RSRC2: variants seen among roughly 807,000 people sequenced by gnomAD.
RSRC2 encodes the protein arginine and serine rich coiled-coil 2.
A neutral mutation model predicts 61.3 loss-of-function variants in RSRC2; 5 were observed. The ratio of observed to expected loss-of-function variants is 0.08; its 90% CI spans 0.04 to 0.17. The LOEUF is 0.17. Ranked by LOEUF, RSRC2 falls within the 10% of genes least tolerant of loss-of-function variation. RSRC2 has a pLI of 1.00. For missense variants in RSRC2, 381 were observed against 518.8 expected (o/e 0.73, Z 2.58); for synonymous variants, 202 against 166.5 (o/e 1.21, Z -1.64).
intron 3 of RSRC2, 199 bp from the exon 4 acceptor site, chr12:122,519,228 T>G: frequency 1.9e-6 from 1 of 523,360 alleles, no homozygotes; most frequent in Non-Finnish European, 3.4e-6. Flanking sequence ...ACCCAAAATG[T>G]AGTTCCTCCC....
chr12:122,518,317 G>A (rs1959084908), intron 4 of RSRC2, among the ~76,000 whole-genome samples: 1 of 152,082 alleles, frequency 6.6e-6, no homozygotes, highest in Non-Finnish European at 1.5e-5. Flanking sequence ...TCTAGGCTGG[G>A]CACGGTGGCT....
At chr12:122,511,832 A>T (rs1446696083) in intron 6 of RSRC2, among the ~76,000 whole-genome samples, 3 of 152,002 alleles carry the variant, frequency 2.0e-5, no homozygotes, top group Non-Finnish European at 4.4e-5. Context: ...TTTTTGAGAC[A>T]GTCTCACTCT....
rs1021800026 is a variant in RSRC2 at position 122,526,918 on chromosome 12, C to A, written c.-65G>T. The stretch of plus-strand genomic sequence containing the variant: ...TCGCTTTCAACAGTACCGGCCGCTC[C>A]GAAGCTTCGCCTCAGACTAAATCGC... On this transcript the variant is annotated 5_prime_UTR_variant, in exon 1 of 10. Coordinates refer to ENST00000331738, the MANE Select transcript of RSRC2 (RefSeq NM_023012.6). 5.0e-6 allele frequency: 8 copies of A among 1,598,054 alleles called. No homozygotes were observed. The Admixed American group carries it at 1.3e-4, about 27-fold the overall frequency.
intron 8 of RSRC2, chr12:122,507,804 G>C (rs1340638216): frequency 5.5e-6 from 1 of 182,504 alleles, no homozygotes; most frequent in Non-Finnish European, 1.2e-5. Flanking sequence ...TCCTGTTTCA[G>C]CCTCCCAAGT....
At chr12:122,520,461 G>A (rs748161015) in intron 3 of RSRC2, 13 of 1,042,240 alleles carry the variant, frequency 1.2e-5, no homozygotes, top group Non-Finnish European at 1.7e-5. Flanking sequence ...ACTGATTTAA[G>A]ATATATTTAA....
chr12:122,505,837 G>A (rs1423455598), intron 9 of RSRC2, 131 bp from the exon 10 acceptor site: 2 of 712,302 alleles, frequency 2.8e-6, no homozygotes, highest in African/African-American at 3.6e-5. Context: ...GGAGTGCAGT[G>A]GTGCCATCTC....
chr12:122,524,250 CT>C (rs942620178), intron 1 of RSRC2, among the ~76,000 whole-genome samples: 24 of 149,928 alleles, frequency 1.6e-4, no homozygotes, highest in East Asian at 1.2e-3. Context: ...ATTCTGGACA[CT>C]TTTTTTTTTC....
intron 1 of RSRC2, chr12:122,523,695 T>C (rs1039711772): frequency 6.6e-6 from 1 of 152,198 alleles, no homozygotes; most frequent in Non-Finnish European, 1.5e-5. Context: ...AGAAAATGAA[T>C]ACCAAATATC....
intron 3 of RSRC2, 134 bp from the exon 4 acceptor site, chr12:122,519,163 AGT>A (rs1959140972): frequency 1.5e-6 from 1 of 669,770 alleles, no homozygotes; most frequent in African/African-American, 1.8e-5. Flanking sequence ...AAAAAGATCT[AGT>A]TTCACATCAC....
intron 8 of RSRC2, among the ~76,000 whole-genome samples, chr12:122,507,504 C>CAAA (rs200977113): frequency 1.4e-5 from 2 of 144,134 alleles, no homozygotes; most frequent in African/African-American, 2.5e-5. Flanking sequence ...CAAATAATGT[C>CAAA]AAAAAAAAAA....
At chr12:122,522,840 T>C (rs956316771) in intron 1 of RSRC2, 1 of 152,300 alleles carries the variant, frequency 6.6e-6, no homozygotes, top group African/African-American at 2.4e-5. Context: ...CCCTCTTTAA[T>C]GAAAACAGCC....
At position 122,515,200 on chromosome 12, in the gene RSRC2, C is replaced by T. The variant is rs142949567; in HGVS notation, c.630G>A (p.Pro210=). 236 of 1,614,012 alleles carry T rather than the reference C, an allele frequency of 1.5e-4. 2 individuals are homozygous for T. Among genetic ancestry groups the T allele is most frequent in the South Asian group, 1.4e-3 (125 of 91,052 alleles). ...SRDRKKRIEK[P]RRFSRSLSRT... ...GGCTTAAACTTCTGCTAAATCTTCT[C>T]GGCTTTTCAATTCTCTTCTTTCTAT... Residue 210 remains proline, a synonymous_variant, in exon 6 of 10, where the codon CCG becomes CCA. Transcript: ENST00000331738.
chr12:122,506,100 T>C lies in RSRC2; in HGVS notation c.1126-394A>G, dbSNP rs796118089. On this transcript the variant is annotated intron_variant, in intron 9 of 9. Coordinates refer to ENST00000331738, the MANE Select transcript of RSRC2 (RefSeq NM_023012.6). Reference sequence around the variant, plus strand: ...AGGCTGACACTATTAAATTATACTTTTGGCCGGGTGCAGTGTGGCTCACGC... The same window carrying C: ...AGGCTGACACTATTAAATTATACTTCTGGCCGGGTGCAGTGTGGCTCACGC... Among the ~76,000 whole-genome samples, 37 of 152,146 alleles carry C rather than the reference T, an allele frequency of 2.4e-4. 1 individual carries two copies. The highest frequency in any genetic ancestry group is 8.9e-4 in the African/African-American group (37 of 41,544).
At chr12:122,516,109 T>C (rs1958898055) in intron 5 of RSRC2, among the ~76,000 whole-genome samples, 2 of 152,208 alleles carry the variant, frequency 1.3e-5, no homozygotes, top group Non-Finnish European at 2.9e-5. Flanking sequence ...AAAATTCATA[T>C]TGATTTAAAG....
At chr12:122,515,037 T>A in intron 6 of RSRC2, 68 bp downstream of exon 6, 6 of 1,516,984 alleles carry the variant, frequency 4.0e-6, no homozygotes, top group African/African-American at 1.4e-5. Context: ...AAAGAATTCA[T>A]CTTATCCACA....
chr12:122,519,360 A>G (rs557425295), intron 3 of RSRC2: 206 of 202,392 alleles, frequency 1.0e-3, no homozygotes, highest in Middle Eastern at 4.2e-3. Flanking sequence ...ATGTATATAC[A>G]TCAACTTCTA....
chr12:122,508,637 A>G (rs576213393), intron 7 of RSRC2, among the ~76,000 whole-genome samples, 190 bp from the exon 8 acceptor site: 1 of 152,320 alleles, frequency 6.6e-6, no homozygotes, highest in East Asian at 1.9e-4. Flanking sequence ...ATCAACGGAC[A>G]TATTTCTACA....
intron 5 of RSRC2, among the ~76,000 whole-genome samples, chr12:122,516,560 C>T (rs954323886): frequency 1.3e-5 from 2 of 152,180 alleles, no homozygotes; most frequent in Non-Finnish European, 2.9e-5. Context: ...TACCTTTCAA[C>T]ATGGTTCTTC....
At position 122,522,165 on chromosome 12, in the gene RSRC2, T is replaced by C. The variant is rs142104565; in HGVS notation, c.141A>G (p.Ser47=). 3.9e-4 allele frequency: 623 copies of C among 1,611,992 alleles called. 1 individual carries two copies. Among genetic ancestry groups the C allele is most frequent in the Non-Finnish European group, 4.9e-4 (580 of 1,179,536 alleles). ...KHHYSRSRSR[S]RERKRKSDNE... ...TACCTGACTTTCGTTTTCTTTCTCT[T>C]GACCTTGATCGTGATCTTGAATAAT... The change falls in exon 2 of 10, where the codon TCA becomes TCG. Residue 47 remains serine (S), a synonymous_variant. Transcript: ENST00000331738.
Sources: allele counts gnomAD v4.1 joint callset (sites outside exome capture counted in the v4.1 genomes callset), GRCh38; gene constraint gnomAD v4.1.1; transcripts MANE v1.5; gene names NCBI Gene and HGNC (gene_info 2026-07-23, HGNC 2026-07-21).